The following DSCAM variants were observed in gnomAD, a reference collection of about 807,000 sequenced individuals.
DSCAM encodes the protein DS cell adhesion molecule.
DSCAM carries 47 observed loss-of-function variants against 217.7 expected under a neutral mutation model. The ratio of observed to expected loss-of-function variants is 0.22; its 90% CI spans 0.17 to 0.28. The LOEUF (loss-of-function observed/expected upper bound fraction) is 0.28, where lower values mean the gene tolerates loss of function less well. Ranked by LOEUF, DSCAM falls within the 10% of genes least tolerant of loss-of-function variation. DSCAM has a pLI of 1.00. For missense variants in DSCAM, 2,080 were observed against 2,618.3 expected (o/e 0.79, Z 4.49); for synonymous variants, 1,056 against 1,015.3 (o/e 1.04, Z -0.76).
chr21:40,840,502 C>T (rs2123681355), intron 1 of DSCAM, among the ~76,000 whole-genome samples: 1 of 152,270 alleles, frequency 6.6e-6, no homozygotes, highest in East Asian at 1.9e-4. Flanking sequence ...CACTTGAGAA[C>T]AAGGGGTCCA....
At chr21:40,050,957 T>A (rs185059654) in intron 30 of DSCAM, among the ~76,000 whole-genome samples, 29 of 152,342 alleles carry the variant, frequency 1.9e-4, no homozygotes, top group Admixed American at 1.6e-3. Context: ...AAACATTTTT[T>A]AAATGAATTT....
intron 3 of DSCAM, among the ~76,000 whole-genome samples, chr21:40,576,262 CAT>C (rs1259907912): frequency 2.6e-5 from 4 of 152,208 alleles, no homozygotes; most frequent in African/African-American, 9.7e-5. Flanking sequence ...TCAGCAACAA[CAT>C]GTGTGAATTT....
chr21:40,769,158 T>C lies in DSCAM; in HGVS notation c.44-60387A>G, dbSNP rs2091422827. ...GGCTATAAGTGGCCATGATCTGTGC[T>C]GAATCCCCACTGCAGGGAACATTCC... On this transcript the variant is annotated intron_variant, in intron 1 of 32. Coordinates refer to ENST00000400454, the MANE Select transcript of DSCAM (RefSeq NM_001389.5). 3.3e-5 allele frequency among the ~76,000 whole-genome samples: 5 copies of C among 152,196 alleles called. No individual in the cohort carries two copies. The East Asian group carries it at 9.6e-4, about 29-fold the overall frequency.
At chr21:40,032,385 G>T (rs141450537) in intron 32 of DSCAM, among the ~76,000 whole-genome samples, 20 of 152,112 alleles carry the variant, frequency 1.3e-4, no homozygotes, top group African/African-American at 4.6e-4. Context: ...TTTATACCTC[G>T]GTGTAGTTTT....
intron 24 of DSCAM, among the ~76,000 whole-genome samples, chr21:40,082,493 A>G (rs534045079): frequency 3.3e-5 from 5 of 152,296 alleles, no homozygotes; most frequent in African/African-American, 1.2e-4. Context: ...GTCATTAGAC[A>G]GTGATAATTG....
chr21:40,047,269 C>A (rs923310292), intron 30 of DSCAM, among the ~76,000 whole-genome samples: 1 of 152,116 alleles, frequency 6.6e-6, no homozygotes, highest in Non-Finnish European at 1.5e-5. Flanking sequence ...AAGATAGCAG[C>A]TAAAATATAA....
At chr21:40,566,792 G>A (rs186872699) in intron 3 of DSCAM, among the ~76,000 whole-genome samples, 1 of 152,222 alleles carries the variant, frequency 6.6e-6, no homozygotes, top group East Asian at 1.9e-4. Context: ...ATGTATTCAT[G>A]TATTTGCTCA....
intron 7 of DSCAM, among the ~76,000 whole-genome samples, chr21:40,338,746 G>A (rs2074455261): frequency 1.3e-5 from 2 of 152,136 alleles, no homozygotes. Context: ...TAAAATCTAG[G>A]ACGACAATGG....
intron 3 of DSCAM, among the ~76,000 whole-genome samples, chr21:40,583,250 A>G (rs2076919063): frequency 6.6e-6 from 1 of 152,250 alleles, no homozygotes; most frequent in Non-Finnish European, 1.5e-5. Flanking sequence ...ACATTGTACC[A>G]TCTGAAGCAC....
chr21:40,317,169 A>G (rs1446119894), intron 8 of DSCAM, among the ~76,000 whole-genome samples: 1 of 152,230 alleles, frequency 6.6e-6, no homozygotes, highest in Non-Finnish European at 1.5e-5. Context: ...TGAGGCTGTG[A>G]GCAGGTGGGA....
At chr21:40,119,812 G>C (rs2837432) in intron 20 of DSCAM, among the ~76,000 whole-genome samples, 1 of 151,828 alleles carries the variant, frequency 6.6e-6, no homozygotes, top group Non-Finnish European at 1.5e-5. Context: ...TCCGTGTTCC[G>C]TGTGAGAGAG....
intron 1 of DSCAM, among the ~76,000 whole-genome samples, chr21:40,732,939 C>T (rs549436547): frequency 3.3e-5 from 5 of 152,244 alleles, no homozygotes; most frequent in African/African-American, 1.2e-4. Context: ...GCAGGTCAGA[C>T]GATGCATAAA....
intron 1 of DSCAM, among the ~76,000 whole-genome samples, chr21:40,801,480 G>GA (rs1218161911): frequency 1.3e-5 from 2 of 152,088 alleles, no homozygotes; most frequent in Non-Finnish European, 2.9e-5. Flanking sequence ...CAAGATAGCA[G>GA]AAAAAAGAGA....
intron 1 of DSCAM, among the ~76,000 whole-genome samples, chr21:40,709,256 T>C (rs970772584): frequency 3.3e-5 from 5 of 152,206 alleles, no homozygotes; most frequent in Non-Finnish European, 5.9e-5. Context: ...TGGGATCAAA[T>C]TGCTCTCTTT....
intron 16 of DSCAM, among the ~76,000 whole-genome samples, chr21:40,150,007 C>T (rs1419154481): frequency 6.6e-6 from 1 of 152,256 alleles, no homozygotes; most frequent in Non-Finnish European, 1.5e-5. Flanking sequence ...ACCACAACTA[C>T]TACTACCTCT....
chr21:40,039,484 G>T (rs75475867), intron 32 of DSCAM, among the ~76,000 whole-genome samples: 4,406 of 152,114 alleles, frequency 0.029, 222 homozygotes, highest in African/African-American at 0.1. Context: ...CATACAGTAA[G>T]GTTTATGAAG....
chr21:40,136,582 C>G lies in DSCAM; in HGVS notation c.3407-2573G>C, dbSNP rs994680179. Among the ~76,000 whole-genome samples the G allele has an allele frequency of 3.9e-5, 6 of 152,160 alleles. 1 individual carries two copies. The highest frequency in any genetic ancestry group is 3.9e-4 in the Admixed American group (6 of 15,280). On this transcript the variant is annotated intron_variant, in intron 18 of 32. Coordinates refer to ENST00000400454, the MANE Select transcript of DSCAM (RefSeq NM_001389.5). ...AGAAACTTCACTGTCAAAGATCACA[C>G]ACGTACCTCCCTACAGATATATACA... is the stretch of plus-strand genomic sequence containing the variant.
rs2074575013 is a variant in DSCAM at position 40,347,777 on chromosome 21, T to C, written c.1103A>G (p.Glu368Gly). The C allele has an allele frequency of 6.2e-7, 1 of 1,614,226 alleles. No individual in the cohort carries two copies. The highest frequency in any genetic ancestry group is 8.5e-7 in the Non-Finnish European group (1 of 1,180,030). Residue 368 changes from glutamate to glycine, a missense_variant, in exon 6 of 33, where the codon GAA (glutamate) becomes GGA (glycine). Around this residue, in one of 5 missense-constraint regions of DSCAM, gnomAD observed 568 missense variants for 678.1 expected, o/e 0.84. Coordinates refer to ENST00000400454, the MANE Select transcript of DSCAM (RefSeq NM_001389.5). ...GACCATGTGATCCATTATAAGGTTT[T>C]CGTGGTTGATCCCTGTGATCCTCAC... ...KNVRITGINH[E>G]NLIMDHMVKS...
intron 3 of DSCAM, among the ~76,000 whole-genome samples, chr21:40,559,450 C>T (rs1306452248): frequency 1.6e-5 from 2 of 127,958 alleles, no homozygotes; most frequent in Non-Finnish European, 3.4e-5. Context: ...AAGAGCGAGA[C>T]CCCGTCTCAA....
Sources: gnomAD v4.1 joint callset for allele counts (sites outside exome capture counted in the v4.1 genomes callset) on GRCh38, gnomAD v4.1.1 for gene constraint, gnomAD v4.1.1 regional missense constraint, MANE v1.5 for transcripts, NCBI Gene and HGNC (gene_info 2026-07-23, HGNC 2026-07-21) for gene names.